The following PTCHD4 variants were observed in gnomAD, a reference collection of about 807,000 sequenced individuals.
The protein encoded by PTCHD4 is patched domain containing 4, also known as patched domain-containing protein 4.
A neutral mutation model predicts 58.1 loss-of-function variants in PTCHD4; 33 were observed. The observed-to-expected ratio is 0.57, with a 90% CI of 0.43 to 0.76. The LOEUF is 0.76. Ranked by LOEUF, PTCHD4 falls within the 30% of genes least tolerant of loss-of-function variation. The probability of loss-of-function intolerance (pLI) is 0.00; values close to 1 mark genes in which losing one functional copy is unlikely to be tolerated. For missense variants in PTCHD4, 1,058 were observed against 1,027.1 expected (o/e 1.03, Z -0.41); for synonymous variants, 478 against 409.6 (o/e 1.17, Z -2.02).
rs1033882607 is a variant in PTCHD4 at position 48,089,059 on chromosome 6, T to A, written c.-969-19133A>T. 2.0e-5 allele frequency among the ~76,000 whole-genome samples: 3 copies of A among 151,846 alleles called. No individual in the cohort carries two copies. In the South Asian group the frequency reaches 6.2e-4, roughly 32 times the overall value. ...GAAGCTCCATCTCAAAACAAATAAATAAATAAATAGGAATGGGGGTAATCA... is the reference window on the plus strand; with the variant it reads ...GAAGCTCCATCTCAAAACAAATAAAAAAATAAATAGGAATGGGGGTAATCA... On this transcript the variant is annotated intron_variant, in intron 1 of 4. Transcript: ENST00000339488.
intron 4 of PTCHD4, among the ~76,000 whole-genome samples, chr6:47,882,051 C>T (rs536147815): frequency 4.6e-5 from 7 of 152,154 alleles, no homozygotes; most frequent in South Asian, 4.1e-4. Flanking sequence ...TTCCTATCTT[C>T]GGCAAAACTC....
chr6:47,966,856 C>T (rs550271748), intron 4 of PTCHD4, among the ~76,000 whole-genome samples: 1 of 152,278 alleles, frequency 6.6e-6, no homozygotes, highest in South Asian at 2.1e-4. Flanking sequence ...GATATTTCCA[C>T]CACATCTAGA....
chr6:48,017,046 T>C (rs904080453), intron 3 of PTCHD4, among the ~76,000 whole-genome samples: 1 of 152,216 alleles, frequency 6.6e-6, no homozygotes, highest in Non-Finnish European at 1.5e-5. Flanking sequence ...TTGTTTTTTA[T>C]CACTGAAAAG....
chr6:48,040,322 A>C (rs932795152), intron 3 of PTCHD4, among the ~76,000 whole-genome samples: 1 of 152,012 alleles, frequency 6.6e-6, no homozygotes, highest in Non-Finnish European at 1.5e-5. Context: ...GCAATAATGG[A>C]TCCCTGGCAA....
chr6:47,891,294 C>T (rs1163663174), intron 4 of PTCHD4, among the ~76,000 whole-genome samples: 1 of 150,828 alleles, frequency 6.6e-6, no homozygotes, highest in African/African-American at 2.4e-5. Flanking sequence ...TCAAGTAGGC[C>T]ATGGTGCTGC....
At chr6:47,981,710 C>T (rs1767888370) in intron 4 of PTCHD4, among the ~76,000 whole-genome samples, 2 of 152,190 alleles carry the variant, frequency 1.3e-5, no homozygotes. Context: ...TGGGCTTGCC[C>T]TCAAGCAGTC....
chr6:47,918,967 C>T (rs372329549), intron 4 of PTCHD4, among the ~76,000 whole-genome samples: 12 of 152,166 alleles, frequency 7.9e-5, no homozygotes, highest in East Asian at 7.8e-4. Flanking sequence ...GAGGTGCGAG[C>T]CATAGTGAAC....
At chr6:47,900,942 C>T (rs924666223) in intron 4 of PTCHD4, 4 of 151,882 alleles carry the variant, frequency 2.6e-5, no homozygotes, top group Non-Finnish European at 5.9e-5. Flanking sequence ...ATCATGAGGT[C>T]AGGAGATCGA....
chr6:48,099,064 A>G (rs980104480), intron 1 of PTCHD4, among the ~76,000 whole-genome samples: 2 of 152,198 alleles, frequency 1.3e-5, no homozygotes, highest in Admixed American at 1.3e-4. Flanking sequence ...AATTGCTATG[A>G]CAAAGAAGCT....
chr6:47,937,928 G>A (rs1766063009), intron 4 of PTCHD4, among the ~76,000 whole-genome samples: 1 of 152,128 alleles, frequency 6.6e-6, no homozygotes, highest in Admixed American at 6.5e-5. Context: ...TGAGGCAGGT[G>A]GATAACCTGA....
intron 4 of PTCHD4, among the ~76,000 whole-genome samples, chr6:47,883,031 T>TAAG (rs1764069409): frequency 6.6e-6 from 1 of 151,876 alleles, no homozygotes; most frequent in Non-Finnish European, 1.5e-5. Flanking sequence ...GATCTTTTTA[T>TAAG]TACTTATTCT....
At chr6:47,981,899 GA>G (rs1429946407) in intron 4 of PTCHD4, among the ~76,000 whole-genome samples, 1 of 152,106 alleles carries the variant, frequency 6.6e-6, no homozygotes, top group African/African-American at 2.4e-5. Context: ...TTTTTGTGAG[GA>G]AAGATTACTC....
At chr6:47,920,737 AC>A (rs1765404729) in intron 4 of PTCHD4, among the ~76,000 whole-genome samples, 1 of 152,206 alleles carries the variant, frequency 6.6e-6, no homozygotes, top group South Asian at 2.1e-4. Context: ...GTCTGGACAA[AC>A]AAGTACACAT....
At chr6:48,031,144 A>G (rs1284680589) in intron 3 of PTCHD4, among the ~76,000 whole-genome samples, 2 of 151,524 alleles carry the variant, frequency 1.3e-5, no homozygotes, top group Non-Finnish European at 2.9e-5. Flanking sequence ...CCTTACCCCT[A>G]CCCCTCCATT....
chr6:48,026,191 C>T (rs1308046485), intron 3 of PTCHD4, among the ~76,000 whole-genome samples: 3 of 152,122 alleles, frequency 2.0e-5, no homozygotes, highest in African/African-American at 4.8e-5. Context: ...GTGTTCATGG[C>T]TTCTTGTTCT....
Position 47,859,624 on chromosome 6 carries a change from C to A in PTCHD4, c.*18679G>T, listed in dbSNP as rs374574374. On this transcript the variant is annotated 3_prime_UTR_variant, in exon 5 of 5. Transcript: ENST00000339488. ...ACCCTTCAGGGTACTGGGCTTATAGCAGTTTACAGAGCAGAAAAATATCTC... is the reference window on the plus strand; with the variant it reads ...ACCCTTCAGGGTACTGGGCTTATAGAAGTTTACAGAGCAGAAAAATATCTC... 2.5e-5 allele frequency among the ~76,000 whole-genome samples: 3 copies of A among 120,530 alleles called. No individual in the cohort carries two copies. Among genetic ancestry groups the A allele is most frequent in the African/African-American group, 5.8e-5 (2 of 34,570 alleles). The allele number at this position is 120,530 out of a possible 152,430, so 79.1% of individuals were successfully genotyped here. A position where few individuals can be genotyped will look rare whatever the true frequency, so the allele number is the denominator to read the frequency against.
In PTCHD4 at chr6:47,862,513, A is replaced by G. The variant is rs1333052345; in HGVS notation, c.*15790T>C. Among the ~76,000 whole-genome samples, 1 of 151,596 alleles carries G rather than the reference A, an allele frequency of 6.6e-6. No individual in the cohort carries two copies. Among genetic ancestry groups the G allele is most frequent in the Non-Finnish European group, 1.5e-5 (1 of 67,774 alleles). ...TGTTTATTTATTTGGTTTCCTGGCC[A>G]TTTGTCAATTTTTTTCTTCATATTT... On this transcript the variant is annotated 3_prime_UTR_variant, in exon 5 of 5. Transcript: ENST00000339488.
intron 4 of PTCHD4, among the ~76,000 whole-genome samples, chr6:47,912,530 C>G (rs1021758762): frequency 6.6e-6 from 1 of 152,238 alleles, no homozygotes; most frequent in Admixed American, 6.5e-5. Context: ...TCTACATGTC[C>G]ATTTTTCATT....
Position 47,858,698 on chromosome 6 carries a change from T to C in PTCHD4, c.*19605A>G, listed in dbSNP as rs183498034. Among the ~76,000 whole-genome samples, 23 of 152,094 alleles carry C rather than the reference T, an allele frequency of 1.5e-4. No individual in the cohort carries two copies. The East Asian group carries it at 4.5e-3, about 30-fold the overall frequency. ...GGCTACACTGCACTAGCCATCTGAGTCAGAATTTCTGTGGGTGGAATAAAT... is the reference window on the plus strand; with the variant it reads ...GGCTACACTGCACTAGCCATCTGAGCCAGAATTTCTGTGGGTGGAATAAAT... On this transcript the variant is annotated 3_prime_UTR_variant, in exon 5 of 5. Transcript: ENST00000339488.
Sources: allele counts gnomAD v4.1 joint callset (sites outside exome capture counted in the v4.1 genomes callset), GRCh38; gene constraint gnomAD v4.1.1; transcripts MANE v1.5; gene names NCBI Gene and HGNC (gene_info 2026-07-23, HGNC 2026-07-21).